The following ADGRB3 variants were observed in gnomAD, a reference collection of about 807,000 sequenced individuals.
ADGRB3 encodes the protein brain-specific angiogenesis inhibitor 3.
ADGRB3 carries 37 observed loss-of-function variants against 193.4 expected under a neutral mutation model. The ratio of observed to expected loss-of-function variants is 0.19; its 90% confidence interval spans 0.15 to 0.25. The LOEUF (loss-of-function observed/expected upper bound fraction) is 0.25. Among genes scored for constraint, ADGRB3 ranks in the 10% least tolerant of loss-of-function variants. The pLI is 1.00. For synonymous variants in ADGRB3, 690 were observed against 644.2 expected, an observed-to-expected ratio of 1.07 and a Z score of -1.08; for missense variants, 1,637 against 1,852.9, an observed-to-expected ratio of 0.88 and a Z score of 2.14.
At chr6:68,936,435 A>G (rs1767487722) in intron 4 of ADGRB3, 84 bp from the exon 5 acceptor site, 12 of 1,274,994 alleles carry the variant, frequency 9.4e-6, no homozygotes, top group Non-Finnish European at 1.2e-5. Flanking sequence ...TTATTCTTGC[A>G]TGTCATAATG....
chr6:68,932,279 CA>C (rs1767360476), intron 4 of ADGRB3, among the ~76,000 whole-genome samples: 1 of 151,976 alleles, frequency 6.6e-6, no homozygotes, highest in Non-Finnish European at 1.5e-5. Flanking sequence ...TTTAAATTTC[CA>C]ATAGCGTAAC....
At chr6:68,707,747 G>A in intron 3 of ADGRB3, among the ~76,000 whole-genome samples, 1 of 152,138 alleles carries the variant, frequency 6.6e-6, no homozygotes. Context: ...CTCCAGTAGT[G>A]TAAGAACTGT....
intron 26 of ADGRB3, among the ~76,000 whole-genome samples, chr6:69,344,097 G>A (rs1174945157): frequency 6.6e-6 from 1 of 152,160 alleles, no homozygotes; most frequent in Non-Finnish European, 1.5e-5. Context: ...CTCTATGTCA[G>A]AGGGGGAAAA....
intron 9 of ADGRB3, 68 bp from the exon 10 acceptor site, chr6:68,975,166 C>T (rs1768707063): frequency 7.9e-7 from 1 of 1,271,748 alleles, no homozygotes; most frequent in South Asian, 1.3e-5. Context: ...TAGCCTGATT[C>T]CCAGCTAAGT....
chr6:68,682,151 C>T (rs1035366429), intron 3 of ADGRB3, among the ~76,000 whole-genome samples: 1 of 152,152 alleles, frequency 6.6e-6, no homozygotes, highest in Non-Finnish European at 1.5e-5. Flanking sequence ...TTCCAAAACC[C>T]ACTGTGGGTC....
chr6:68,833,542 C>G (rs1178378668), intron 3 of ADGRB3, among the ~76,000 whole-genome samples: 1 of 113,176 alleles, frequency 8.8e-6, no homozygotes, highest in Non-Finnish European at 1.9e-5. Context: ...AATCAATTTC[C>G]TTATTGTTTT....
intron 19 of ADGRB3, among the ~76,000 whole-genome samples, chr6:69,235,928 AT>A (rs1766253802): frequency 6.6e-6 from 1 of 151,868 alleles, no homozygotes; most frequent in Admixed American, 6.6e-5. Flanking sequence ...AATGTTAAAC[AT>A]TTTTATATCC....
intron 3 of ADGRB3, among the ~76,000 whole-genome samples, chr6:68,790,538 G>A (rs1017140180): frequency 2.0e-5 from 3 of 152,050 alleles, no homozygotes; most frequent in South Asian, 4.2e-4. Flanking sequence ...AGGCACCCCC[G>A]AGTAGGGGCA....
At chr6:68,799,119 G>C (rs972093267) in intron 3 of ADGRB3, among the ~76,000 whole-genome samples, 2 of 150,842 alleles carry the variant, frequency 1.3e-5, no homozygotes, top group African/African-American at 4.9e-5. Flanking sequence ...GGAGGGGAGG[G>C]AGTACACATT....
chr6:68,829,987 T>C (rs911577844), intron 3 of ADGRB3, among the ~76,000 whole-genome samples: 1 of 152,158 alleles, frequency 6.6e-6, no homozygotes, highest in African/African-American at 2.4e-5. Context: ...TACTAAATTA[T>C]CAGTGAGTAG....
At chr6:68,637,946 C>T (rs1219015079) in intron 2 of ADGRB3, among the ~76,000 whole-genome samples, 1 of 152,088 alleles carries the variant, frequency 6.6e-6, no homozygotes, top group Non-Finnish European at 1.5e-5. Flanking sequence ...ACAAGTCTTC[C>T]CTATGTATTT....
intron 3 of ADGRB3, among the ~76,000 whole-genome samples, chr6:68,856,676 G>A (rs908772379): frequency 6.6e-6 from 1 of 151,840 alleles, no homozygotes; most frequent in African/African-American, 2.4e-5. Context: ...AAGGGAAACA[G>A]CGTATTTGCA....
intron 12 of ADGRB3, among the ~76,000 whole-genome samples, chr6:69,018,020 C>T (rs1382583373): frequency 6.6e-6 from 1 of 151,716 alleles, no homozygotes; most frequent in Non-Finnish European, 1.5e-5. Context: ...TCTTGTGTTC[C>T]TCATATAGAT....
intron 17 of ADGRB3, among the ~76,000 whole-genome samples, chr6:69,137,213 C>G (rs530905822): frequency 6.6e-6 from 1 of 151,998 alleles, no homozygotes; most frequent in East Asian, 1.9e-4. Flanking sequence ...GTTATTTCCT[C>G]TTGTCTTTAT....
intron 30 of ADGRB3, among the ~76,000 whole-genome samples, chr6:69,374,915 A>G (rs1335958622): frequency 1.3e-5 from 2 of 152,124 alleles, no homozygotes; most frequent in African/African-American, 4.8e-5. Context: ...AGACGTTTCA[A>G]AGATAGCCAC....
chr6:69,099,478 T>TC (rs1346742251), intron 17 of ADGRB3, among the ~76,000 whole-genome samples: 7 of 152,340 alleles, frequency 4.6e-5, no homozygotes, highest in African/African-American at 1.7e-4. Context: ...AGCAGAAAAT[T>TC]CTTCTCATTT....
chr6:69,007,139 T>C (rs1416623586), intron 11 of ADGRB3, among the ~76,000 whole-genome samples: 4 of 152,158 alleles, frequency 2.6e-5, no homozygotes, highest in Non-Finnish European at 4.4e-5. Flanking sequence ...CATTCTCAGC[T>C]ACCTGGGCTA....
chr6:68,965,343 T>G (rs1461575132), intron 8 of ADGRB3, among the ~76,000 whole-genome samples: 1 of 152,156 alleles, frequency 6.6e-6, no homozygotes, highest in African/African-American at 2.4e-5. Flanking sequence ...TGGATCCGTC[T>G]TATTTTCCTC....
chr6:68,788,075 A>C (rs908213922), intron 3 of ADGRB3, among the ~76,000 whole-genome samples: 7 of 152,082 alleles, frequency 4.6e-5, no homozygotes, highest in African/African-American at 1.7e-4. Context: ...CCAGCAGTCT[A>C]TCAATTTTGT....
Sources: gnomAD v4.1 joint callset for allele counts (sites outside exome capture counted in the v4.1 genomes callset) on GRCh38, gnomAD v4.1.1 for gene constraint, MANE v1.5 for transcripts, NCBI Gene and HGNC (gene_info 2026-07-23, HGNC 2026-07-21) for gene names.